The following TEX261 variants were observed in gnomAD, a reference collection of about 807,000 sequenced individuals.
TEX261 encodes protein TEX261.
A neutral mutation model predicts 25.1 loss-of-function variants in TEX261; 13 were observed. The ratio of observed to expected loss-of-function variants is 0.52; its 90% CI spans 0.34 to 0.82. The LOEUF is 0.82. Among genes scored for constraint, TEX261 ranks in the 40% least tolerant of loss-of-function variants. The pLI, the probability that TEX261 is intolerant of heterozygous loss-of-function variation, is 0.02. For synonymous variants in TEX261, 92 were observed against 97.8 expected (o/e 0.94, Z 0.35); for missense variants, 206 against 243.2 (o/e 0.85, Z 1.02).
rs1553426082 is a variant in TEX261, at chr2:70,994,803, C to T, written c.-46G>A. On this transcript the variant is annotated 5_prime_UTR_variant, in exon 1 of 6. Transcript: ENST00000272438. ...CCCCGGCCACCGGGACGGGCCTGCG[C>T]GCTTCGGCTCCGGCGACACACAGCC... is the stretch of plus-strand genomic sequence containing the variant. The T allele has an allele frequency of 4.1e-6, 6 of 1,470,962 alleles. No individual in the cohort carries two copies. Among genetic ancestry groups the T allele is most frequent in the South Asian group, 1.3e-5 (1 of 75,120 alleles). 91.1% of individuals were successfully genotyped at this position (1,470,962 alleles called of 1,614,324 possible).
Position 70,988,499 on chromosome 2 carries a change from C to T in TEX261, c.*101G>A. 2.3e-6 allele frequency: 2 copies of T among 872,930 alleles called. No individual in the cohort carries two copies. Among genetic ancestry groups the T allele is most frequent in the Non-Finnish European group, 3.8e-6 (2 of 524,456 alleles). 54.1% of individuals were successfully genotyped at this position (872,930 alleles called of 1,614,324 possible). A position where few individuals can be genotyped will look rare whatever the true frequency, so the allele number is the denominator to read the frequency against. On this transcript the variant is annotated 3_prime_UTR_variant, in exon 6 of 6. Transcript: ENST00000272438. ...AGAGTTGAGGGGAAGAAAGCCAGGG[C>T]AGGTGGTAGGTGCCTTCCCGACTTC...
At chr2:70,991,508 T>G (rs1386143210) in intron 3 of TEX261, among the ~76,000 whole-genome samples, 4 of 152,156 alleles carry the variant, frequency 2.6e-5, no homozygotes, top group African/African-American at 9.7e-5. Context: ...TCTGGCCAAG[T>G]GGTTTTTTTG....
chr2:70,991,536 T>G (rs1405896887), intron 3 of TEX261, among the ~76,000 whole-genome samples: 4 of 152,156 alleles, frequency 2.6e-5, no homozygotes, highest in African/African-American at 9.7e-5. Flanking sequence ...AACTGCTCAG[T>G]TGGGGGCCCT....
At chr2:70,992,089 C>G in intron 2 of TEX261, 106 bp from the exon 3 acceptor site, 1 of 1,132,360 alleles carries the variant, frequency 8.8e-7, no homozygotes, top group Non-Finnish European at 1.2e-6. Flanking sequence ...ATGCTTCAAT[C>G]TCCTCATTTC....
In TEX261 at chr2:70,994,676, G is replaced by T; in HGVS notation, c.70+12C>A. The T allele has an allele frequency of 5.0e-6, 8 of 1,591,248 alleles. No individual in the cohort carries two copies. The highest frequency in any genetic ancestry group is 6.8e-6 in the Non-Finnish European group (8 of 1,170,104). ...GCGGGAGCCCGCGCGGGCCGGGGTC[G>T]TGCAGTCTCACCGACAGCCAGCGTG... On this transcript the variant is annotated intron_variant, in intron 1 of 5. Transcript: ENST00000272438.
rs1670229041 is a variant in TEX261, at chr2:70,988,347, G to A, written c.*253C>T. 1.0e-5 allele frequency: 5 copies of A among 483,806 alleles called. No homozygotes were observed. Among genetic ancestry groups the A allele is most frequent in the South Asian group, 4.4e-5 (2 of 45,948 alleles). 30.0% of individuals were successfully genotyped at this position (483,806 alleles called of 1,614,324 possible). On this transcript the variant is annotated 3_prime_UTR_variant, in exon 6 of 6. Transcript: ENST00000272438. ...ACCTTGGAAGGGACAGGGGAGGACTGAGGGACCTCGGCCTCCTGGCTAAGC... is the reference window on the plus strand; with the variant it reads ...ACCTTGGAAGGGACAGGGGAGGACTAAGGGACCTCGGCCTCCTGGCTAAGC...
intron 2 of TEX261, among the ~76,000 whole-genome samples, chr2:70,992,669 C>T (rs1403126846): frequency 6.6e-6 from 1 of 150,708 alleles, no homozygotes; most frequent in African/African-American, 2.5e-5. Context: ...GCAGAGGTTG[C>T]GGTGAGCTGA....
intron 1 of TEX261, among the ~76,000 whole-genome samples, chr2:70,994,056 C>A (rs1429084699): frequency 6.6e-6 from 1 of 152,234 alleles, no homozygotes; most frequent in Non-Finnish European, 1.5e-5. Flanking sequence ...TCAATAAACA[C>A]CTGCTGGGCA....
intron 2 of TEX261, among the ~76,000 whole-genome samples, chr2:70,992,665 G>A (rs778415463): frequency 7.9e-5 from 12 of 151,702 alleles, no homozygotes; most frequent in South Asian, 2.1e-4. Context: ...GGAGGCAGAG[G>A]TTGCGGTGAG....
chr2:70,989,979 A>C (rs965810590), intron 3 of TEX261, among the ~76,000 whole-genome samples, 163 bp from the exon 4 acceptor site: 1 of 152,254 alleles, frequency 6.6e-6, no homozygotes, highest in African/African-American at 2.4e-5. Context: ...CCCATCTGCT[A>C]AAATGGGAGA....
chr2:70,994,500 C>CCA, intron 1 of TEX261, 188 bp downstream of exon 1: 1 of 787,698 alleles, frequency 1.3e-6, no homozygotes, highest in Non-Finnish European at 2.0e-6. Flanking sequence ...CTGGAAGGAG[C>CCA]CACGGTCAGG....
At chr2:70,991,593 C>T (rs1670299461) in intron 3 of TEX261, among the ~76,000 whole-genome samples, 1 of 152,200 alleles carries the variant, frequency 6.6e-6, no homozygotes, top group African/African-American at 2.4e-5. Flanking sequence ...CTCCTTCAAA[C>T]TTACCTCTCT....
Position 70,994,838 on chromosome 2 carries a change from G to GCCGCCGCCGCCGCGTCC in TEX261, c.-98_-82dup, listed in dbSNP as rs1553426095. The GCCGCCGCCGCCGCGTCC allele has an allele frequency of 2.3e-5, 28 of 1,238,464 alleles. No individual in the cohort carries two copies. Among genetic ancestry groups the GCCGCCGCCGCCGCGTCC allele is most frequent in the Middle Eastern group, 3.0e-4 (1 of 3,326 alleles). 76.7% of individuals were successfully genotyped at this position (1,238,464 alleles called of 1,614,324 possible). On this transcript the variant is annotated 5_prime_UTR_variant, in exon 1 of 6. Transcript: ENST00000272438. ...CCGGCGACACACAGCCGCCACCGCC[G>GCCGCCGCCGCCGCGTCC]CCGCCGCCGCCGCGTCCCCGCCCCG...
intron 3 of TEX261, 77 bp from the exon 4 acceptor site, chr2:70,989,893 G>A: frequency 1.9e-6 from 2 of 1,073,750 alleles, no homozygotes; most frequent in Non-Finnish European, 2.9e-6. Context: ...AAGGCCCTCA[G>A]AAGTTGGGAG....
chr2:70,993,639 T>G, intron 2 of TEX261, 57 bp downstream of exon 2: 2 of 1,434,198 alleles, frequency 1.4e-6, no homozygotes, highest in Non-Finnish European at 2.0e-6. Context: ...CCCCACTTCC[T>G]GCTTTTGAGG....
chr2:70,992,309 A>G (rs1670317896), intron 2 of TEX261, among the ~76,000 whole-genome samples: 1 of 152,140 alleles, frequency 6.6e-6, no homozygotes, highest in Non-Finnish European at 1.5e-5. Context: ...TCTTTAGTAG[A>G]GACAGGGTTT....
Position 70,988,718 on chromosome 2 carries a change from G to A in TEX261, c.476-3C>T. The A allele has an allele frequency of 1.2e-6, 2 of 1,611,614 alleles. No individual in the cohort carries two copies. The highest frequency in any genetic ancestry group is 1.7e-6 in the Non-Finnish European group (2 of 1,177,690). ...GAAATAATTGGAGACGACATCATCTGTGGAGATACAGGCAAGAATATGAGA... is the reference window on the plus strand; with the variant it reads ...GAAATAATTGGAGACGACATCATCTATGGAGATACAGGCAAGAATATGAGA... On this transcript the variant is annotated splice_region_variant and splice_polypyrimidine_tract_variant and intron_variant, in intron 5 of 5. Coordinates refer to ENST00000272438, the MANE Select transcript of TEX261 (RefSeq NM_144582.3).
chr2:70,988,771 C>A, intron 5 of TEX261, 56 bp from the exon 6 acceptor site: 1 of 1,477,790 alleles, frequency 6.8e-7, no homozygotes, highest in Admixed American at 1.7e-5. Context: ...TGTGTGTGTG[C>A]GCATGTGTGT....
At chr2:70,989,277 G>A in intron 4 of TEX261, 1 of 542,708 alleles carries the variant, frequency 1.8e-6, no homozygotes, top group Non-Finnish European at 3.3e-6. Flanking sequence ...ACTGAAGGAG[G>A]CAGACAAAGT....
Sources: allele counts gnomAD v4.1 joint callset (sites outside exome capture counted in the v4.1 genomes callset), GRCh38; gene constraint gnomAD v4.1.1; transcripts MANE v1.5; gene names NCBI Gene and HGNC (gene_info 2026-07-23, HGNC 2026-07-21).